The following ANKS1B variants were observed in gnomAD, a reference collection of about 807,000 sequenced individuals.
ANKS1B encodes ankyrin repeat and sterile alpha motif domain-containing protein 1B.
In ANKS1B, 36 loss-of-function variants were observed where a neutral mutation model predicts 148.3. That is an observed-to-expected ratio of 0.24 (90% CI 0.19 to 0.32). ANKS1B has a LOEUF of 0.32. Among genes scored for constraint, ANKS1B ranks in the 10% least tolerant of loss-of-function variants. The pLI is 1.00. For synonymous variants in ANKS1B, 542 were observed against 560.8 expected, an observed-to-expected ratio of 0.97 and a Z score of 0.47; for missense variants, 1,157 against 1,542.6, an observed-to-expected ratio of 0.75 and a Z score of 4.19.
rs1567601440 is a variant in ANKS1B at position 99,666,892 on chromosome 12, GT to G, written c.1129-11683del. Among the ~76,000 whole-genome samples the G allele has an allele frequency of 2.8e-3, 405 of 146,172 alleles. 1 individual carries two copies. The highest frequency in any genetic ancestry group is 6.5e-3 in the African/African-American group (258 of 39,972). ...TGTGTGTGTGTGTGTGTGTGTGTGT[GT>G]GTGGTGAGGACACTTAGAATCAACT... On this transcript the variant is annotated intron_variant, in intron 8 of 26. Transcript: ENST00000683438.
At chr12:99,096,032 A>G (rs2055973207) in intron 15 of ANKS1B, among the ~76,000 whole-genome samples, 1 of 152,214 alleles carries the variant, frequency 6.6e-6, no homozygotes, top group South Asian at 2.1e-4. Context: ...CAGAGATTGT[A>G]TGAAGTTATG....
intron 16 of ANKS1B, among the ~76,000 whole-genome samples, chr12:99,082,201 T>C (rs912032571): frequency 3.3e-5 from 5 of 152,006 alleles, no homozygotes; most frequent in African/African-American, 1.2e-4. Flanking sequence ...GAGGGTGAGA[T>C]GGAAAATAAT....
chr12:99,720,266 TC>T (rs1207993572), intron 8 of ANKS1B, among the ~76,000 whole-genome samples: 1 of 152,220 alleles, frequency 6.6e-6, no homozygotes, highest in Non-Finnish European at 1.5e-5. Context: ...TTGACTTTAC[TC>T]ACATGCCCCG....
intron 14 of ANKS1B, among the ~76,000 whole-genome samples, chr12:99,163,505 T>TGTG (rs770968774): frequency 0.1 from 7,568 of 75,964 alleles, 222 homozygotes; most frequent in Middle Eastern, 0.14. Context: ...GTGTGTGTGT[T>TGTG]TAGTTCTGTA....
chr12:98,745,007 C>T lies in ANKS1B; in HGVS notation c.*732G>A, dbSNP rs1316401829. 2.0e-5 allele frequency: 20 copies of T among 985,478 alleles called. No homozygotes were observed. The Admixed American group carries it at 1.2e-3, about 58-fold the overall frequency. The allele number at this position is 985,478 out of a possible 1,614,324, so 61.0% of individuals were successfully genotyped here. On this transcript the variant is annotated 3_prime_UTR_variant, in exon 27 of 27. Coordinates refer to ENST00000683438, the MANE Select transcript of ANKS1B (RefSeq NM_001352186.2). ...CATCCCTCGCAACTAACCTAGTTTT[C>T]TTATCAATGCATTAATGAAACATTC...
At chr12:99,769,670 A>G (rs1048959233) in intron 8 of ANKS1B, among the ~76,000 whole-genome samples, 2 of 152,166 alleles carry the variant, frequency 1.3e-5, no homozygotes, top group Admixed American at 1.3e-4. Flanking sequence ...TGAAACTGGG[A>G]AAGTCATAAA....
chr12:99,292,338 A>ATAAAAC (rs561267857), intron 12 of ANKS1B, among the ~76,000 whole-genome samples: 1 of 148,228 alleles, frequency 6.7e-6, no homozygotes, highest in African/African-American at 2.5e-5. Flanking sequence ...AAAAATAAAA[A>ATAAAAC]TAAAAATAAA....
chr12:99,878,376 G>A (rs560501374), intron 1 of ANKS1B, among the ~76,000 whole-genome samples: 88 of 152,280 alleles, frequency 5.8e-4, no homozygotes, highest in Non-Finnish European at 1.1e-3. Flanking sequence ...CTACAATGAA[G>A]AAAAGCAAGG....
intron 25 of ANKS1B, among the ~76,000 whole-genome samples, chr12:98,772,421 T>C (rs1314968453): frequency 1.3e-5 from 2 of 152,158 alleles, no homozygotes; most frequent in Admixed American, 6.5e-5. Context: ...AATAAAGACG[T>C]ACCCAAGACT....
chr12:99,037,468 G>A (rs1037824670), intron 17 of ANKS1B, among the ~76,000 whole-genome samples: 1 of 151,406 alleles, frequency 6.6e-6, no homozygotes, highest in Admixed American at 6.6e-5. Context: ...TAGCGCTGCT[G>A]CACACCAGCT....
intron 22 of ANKS1B, among the ~76,000 whole-genome samples, chr12:98,784,366 T>G (rs2098768526): frequency 6.6e-6 from 1 of 152,088 alleles, no homozygotes; most frequent in South Asian, 2.1e-4. Context: ...AGTTGGAAGA[T>G]GCCTACAACA....
chr12:99,067,193 T>C (rs1009379209), intron 16 of ANKS1B, among the ~76,000 whole-genome samples: 3 of 152,206 alleles, frequency 2.0e-5, no homozygotes, highest in Admixed American at 6.5e-5. Flanking sequence ...CCAGCAACTT[T>C]GTCAGCAAGA....
At chr12:99,896,632 C>G (rs7132964) in intron 1 of ANKS1B, among the ~76,000 whole-genome samples, 92,142 of 150,708 alleles carry the variant, frequency 0.61, 30,975 homozygotes, top group African/African-American at 0.77. Flanking sequence ...ACTATTCCTG[C>G]TGGATCACAC....
rs537756511 is a variant in ANKS1B at position 98,930,732 on chromosome 12, G to A, written c.2779-98596C>T. Among the ~76,000 whole-genome samples, 39 of 151,312 alleles carry A rather than the reference G, an allele frequency of 2.6e-4. 1 individual carries two copies. The highest frequency in any genetic ancestry group is 8.7e-4 in the African/African-American group (36 of 41,288). On this transcript the variant is annotated intron_variant, in intron 17 of 26. Transcript: ENST00000683438. ...TGAAATGTCCAGTGTAGGGGCTGGG[G>A]AAAGTGGGGGCGGGGTAGTGACTGC... is the stretch of plus-strand genomic sequence containing the variant.
At chr12:99,409,132 T>C (rs1391984156) in intron 11 of ANKS1B, among the ~76,000 whole-genome samples, 1 of 152,106 alleles carries the variant, frequency 6.6e-6, no homozygotes, top group Non-Finnish European at 1.5e-5. Context: ...ATAAAGAAAA[T>C]GTGGTACATA....
intron 14 of ANKS1B, among the ~76,000 whole-genome samples, chr12:99,163,567 G>C (rs2076909426): frequency 6.6e-6 from 1 of 151,580 alleles, no homozygotes; most frequent in Admixed American, 6.6e-5. Flanking sequence ...TCGAGACACC[G>C]ACAGCACCAT....
intron 8 of ANKS1B, among the ~76,000 whole-genome samples, chr12:99,752,787 T>C (rs1379369126): frequency 6.6e-6 from 1 of 152,028 alleles, no homozygotes; most frequent in Non-Finnish European, 1.5e-5. Flanking sequence ...AGAATTCATT[T>C]TTTCATCCAT....
intron 1 of ANKS1B, among the ~76,000 whole-genome samples, chr12:99,879,744 T>TTTTGTTTG (rs747297015): frequency 6.6e-6 from 1 of 152,238 alleles, no homozygotes; most frequent in African/African-American, 2.4e-5. Flanking sequence ...TACCTGTTGC[T>TTTTGTTTG]TTTGTTTGTT....
intron 14 of ANKS1B, 192 bp from the exon 15 acceptor site, chr12:99,154,587 A>G: frequency 1.3e-6 from 2 of 1,490,778 alleles, no homozygotes; most frequent in Non-Finnish European, 1.8e-6. Flanking sequence ...ATAGTTTGCC[A>G]GGCAGGCTGT....
Sources: gnomAD v4.1 joint callset for allele counts (sites outside exome capture counted in the v4.1 genomes callset) on GRCh38, gnomAD v4.1.1 for gene constraint, MANE v1.5 for transcripts, NCBI Gene and HGNC (gene_info 2026-07-23, HGNC 2026-07-21) for gene names.